Variants in KIRREL3 observed in about 807,000 individuals in gnomAD.
The protein encoded by KIRREL3 is kirre like nephrin family adhesion molecule 3.
Under a neutral mutation model 89.7 loss-of-function variants are expected in KIRREL3, and 36 were observed. The observed-to-expected ratio is 0.40, with a 90% CI of 0.31 to 0.53. The LOEUF is 0.53. Ranked by LOEUF, KIRREL3 falls within the 20% of genes least tolerant of loss-of-function variation. KIRREL3 has a pLI of 0.49. For missense variants in KIRREL3, 864 were observed against 1,056.6 expected (o/e 0.82, Z 2.53); for synonymous variants, 445 against 441.4 (o/e 1.01, Z -0.10).
chr11:126,851,948 C>A (rs1366932952), intron 1 of KIRREL3, among the ~76,000 whole-genome samples: 1 of 152,102 alleles, frequency 6.6e-6, no homozygotes, highest in African/African-American at 2.4e-5. Context: ...GGAAGTCAGG[C>A]ACAGAGGCCT....
intron 1 of KIRREL3, among the ~76,000 whole-genome samples, chr11:126,842,594 G>A (rs1472713075): frequency 2.0e-5 from 3 of 152,140 alleles, no homozygotes; most frequent in Non-Finnish European, 4.4e-5. Flanking sequence ...GCTCATGTGG[G>A]ACAGATGGTC....
intron 1 of KIRREL3, among the ~76,000 whole-genome samples, chr11:126,887,668 C>T (rs1045072366): frequency 2.0e-5 from 3 of 152,136 alleles, no homozygotes; most frequent in Non-Finnish European, 4.4e-5. Flanking sequence ...GAATGACACA[C>T]ATGGCTGAAA....
intron 1 of KIRREL3, among the ~76,000 whole-genome samples, chr11:126,847,909 A>G (rs916161480): frequency 3.9e-5 from 6 of 152,312 alleles, no homozygotes; most frequent in African/African-American, 1.4e-4. Flanking sequence ...TTCTTTTGTA[A>G]CAGGACACAA....
chr11:126,429,333 C>G lies in KIRREL3; in HGVS notation c.1697-45G>C, dbSNP rs772041154. 7.2e-7 allele frequency: 1 copy of G among 1,396,634 alleles called. No homozygotes were observed. Among genetic ancestry groups the G allele is most frequent in the Non-Finnish European group, 1.0e-6 (1 of 985,710 alleles). 86.5% of individuals were successfully genotyped at this position (1,396,634 alleles called of 1,614,324 possible). ...GTGTAGATGATAGATTTAGTTCTTACCTTTGAGATGTCAAGCTCCCTTGCA... is the reference window on the plus strand; with the variant it reads ...GTGTAGATGATAGATTTAGTTCTTAGCTTTGAGATGTCAAGCTCCCTTGCA... On this transcript the variant is annotated intron_variant, in intron 14 of 16. Coordinates refer to ENST00000525144, the MANE Select transcript of KIRREL3 (RefSeq NM_032531.4). This position sits in a 1 kb window ranked among gnomAD's most constrained non-coding sequence, Gnocchi z 5.2.
In KIRREL3 at chr11:126,656,586, T is replaced by C. The variant is rs1197145647; in HGVS notation, c.56-93674A>G. 2.0e-5 allele frequency among the ~76,000 whole-genome samples: 3 copies of C among 152,178 alleles called. No individual in the cohort carries two copies. Among genetic ancestry groups the C allele is most frequent in the African/African-American group, 7.2e-5 (3 of 41,454 alleles). On this transcript the variant is annotated intron_variant, in intron 1 of 16. Coordinates refer to ENST00000525144, the MANE Select transcript of KIRREL3 (RefSeq NM_032531.4). The surrounding 1 kb of genome is among the most constrained non-coding windows in gnomAD (Gnocchi z 4.0). ...ACCGCCTGCCCAGCCCCTGCACTGA[T>C]TGTCTTACCCACAGGGGCAGTTTAA...
At chr11:126,488,238 G>C (rs1055277329) in intron 4 of KIRREL3, among the ~76,000 whole-genome samples, 1 of 152,178 alleles carries the variant, frequency 6.6e-6, no homozygotes, top group African/African-American at 2.4e-5. Context: ...GATGGCTTTG[G>C]GGCCACCCAG....
At chr11:126,680,006 A>G (rs1464830657) in intron 1 of KIRREL3, among the ~76,000 whole-genome samples, 2 of 152,188 alleles carry the variant, frequency 1.3e-5, no homozygotes, top group Non-Finnish European at 2.9e-5. Context: ...CAAGGTTAAG[A>G]TGGCTTTGAA....
rs1012166108 is a variant in KIRREL3, at chr11:126,490,247, C to G, written c.434-16781G>C. ...GTGTGTGTGGCGGGGGCGGGGGAGG[C>G]AAGGCAGCTTTACTTTCTGTGTATG... On this transcript the variant is annotated intron_variant, in intron 4 of 16. Transcript: ENST00000525144. The surrounding 1 kb of genome is among the most constrained non-coding windows in gnomAD (Gnocchi z 4.2). Among the ~76,000 whole-genome samples the G allele has an allele frequency of 6.0e-5, 9 of 151,202 alleles. No homozygotes were observed. The highest frequency in any genetic ancestry group is 5.3e-4 in the Admixed American group (8 of 15,182).
intron 1 of KIRREL3, among the ~76,000 whole-genome samples, chr11:126,982,881 T>A (rs547453959): frequency 7.9e-5 from 12 of 152,326 alleles, no homozygotes; most frequent in African/African-American, 2.6e-4. Flanking sequence ...TATAGTATTT[T>A]AAAGGAGAGT....
rs79979332 is a variant in KIRREL3, at chr11:126,517,205, A to G, written c.433+4110T>C. Among the ~76,000 whole-genome samples, 796 of 151,792 alleles carry G rather than the reference A, an allele frequency of 5.2e-3. 8 individuals are homozygous for G. The highest frequency in any genetic ancestry group is 0.018 in the African/African-American group (760 of 41,376). On this transcript the variant is annotated intron_variant, in intron 4 of 16. Transcript: ENST00000525144. ...TTAATGTTTACAACAATTCTATGAC[A>G]TTGGTATTTTTAACCCTCTATTTTA...
At position 126,571,283 on chromosome 11, in the gene KIRREL3, C is replaced by T. The variant is rs1003726700; in HGVS notation, c.56-8371G>A. 6.6e-6 allele frequency among the ~76,000 whole-genome samples: 1 copy of T among 152,210 alleles called. No homozygotes were observed. Among genetic ancestry groups the T allele is most frequent in the South Asian group, 2.1e-4 (1 of 4,828 alleles). On this transcript the variant is annotated intron_variant, in intron 1 of 16. Coordinates refer to ENST00000525144, the MANE Select transcript of KIRREL3 (RefSeq NM_032531.4). This position sits in a 1 kb window ranked among gnomAD's most constrained non-coding sequence, Gnocchi z 7.7. ...GATCTTTCTCCCAACTGATGAATTG[C>T]CTGGAATTCTGACACAGCCATCAGC...
At chr11:126,941,851 G>C (rs1454701517) in intron 1 of KIRREL3, among the ~76,000 whole-genome samples, 1 of 152,152 alleles carries the variant, frequency 6.6e-6, no homozygotes, top group East Asian at 1.9e-4. Flanking sequence ...TTGCTTTCTA[G>C]TTTTTAGGTT....
chr11:126,806,020 C>A (rs1951192854), intron 1 of KIRREL3, among the ~76,000 whole-genome samples: 1 of 152,222 alleles, frequency 6.6e-6, no homozygotes, highest in Non-Finnish European at 1.5e-5. Context: ...AAATCTGTCA[C>A]CTGTCAAATT....
At position 126,608,536 on chromosome 11, in the gene KIRREL3, T is replaced by G. The variant is rs943122473; in HGVS notation, c.56-45624A>C. 6.6e-6 allele frequency among the ~76,000 whole-genome samples: 1 copy of G among 150,552 alleles called. No homozygotes were observed. Among genetic ancestry groups the G allele is most frequent in the African/African-American group, 2.5e-5 (1 of 40,032 alleles). On this transcript the variant is annotated intron_variant, in intron 1 of 16. Coordinates refer to ENST00000525144, the MANE Select transcript of KIRREL3 (RefSeq NM_032531.4). This position sits in a 1 kb window ranked among gnomAD's most constrained non-coding sequence, Gnocchi z 4.9. ...AGGCAGGTGTTTTGAGAAACTCCCC[T>G]CCTCTTCCCTCCTCTCCCCTCCCCA...
At chr11:126,850,587 C>T (rs1371418238) in intron 1 of KIRREL3, among the ~76,000 whole-genome samples, 1 of 152,184 alleles carries the variant, frequency 6.6e-6, no homozygotes, top group Non-Finnish European at 1.5e-5. Flanking sequence ...CCACAGGGAT[C>T]ATGAGCTAAT....
chr11:126,480,515 G>T (rs1334789830), intron 4 of KIRREL3, among the ~76,000 whole-genome samples: 1 of 152,188 alleles, frequency 6.6e-6, no homozygotes, highest in Non-Finnish European at 1.5e-5. Flanking sequence ...AGCCATAAGT[G>T]GTGAAGTTGG....
rs982906016 is a variant in KIRREL3 at position 126,844,300 on chromosome 11, T to C, written c.55+156155A>G. 2.0e-5 allele frequency among the ~76,000 whole-genome samples: 3 copies of C among 151,926 alleles called. No homozygotes were observed. The highest frequency in any genetic ancestry group is 7.3e-5 in the African/African-American group (3 of 41,336). ...GGGTAAGTGGTGGGGTCCGGTGACA[T>C]CTTTCTGGTGACCACAGAAGGGACA... On this transcript the variant is annotated intron_variant, in intron 1 of 16. Transcript: ENST00000525144. The surrounding 1 kb of genome is among the most constrained non-coding windows in gnomAD (Gnocchi z 4.8).
In KIRREL3 at chr11:126,796,830, A is replaced by G. The variant is rs1592141023; in HGVS notation, c.55+203625T>C. ...TTTTTCCCACCCCTGCTTTTTAAAA[A>G]TGTTGGTGCTCCAATTAGAGCTGTA... is the stretch of plus-strand genomic sequence containing the variant. On this transcript the variant is annotated intron_variant, in intron 1 of 16. Transcript: ENST00000525144. This position sits in a 1 kb window ranked among gnomAD's most constrained non-coding sequence, Gnocchi z 5.1. Among the ~76,000 whole-genome samples the G allele has an allele frequency of 6.6e-6, 1 of 152,032 alleles. No homozygotes were observed. Among genetic ancestry groups the G allele is most frequent in the African/African-American group, 2.4e-5 (1 of 41,384 alleles).
chr11:126,836,959 G>A (rs2134508063), intron 1 of KIRREL3, among the ~76,000 whole-genome samples: 1 of 152,078 alleles, frequency 6.6e-6, no homozygotes, highest in East Asian at 1.9e-4. Flanking sequence ...GGTCAGTGTG[G>A]TCCTTGCTTT....
Sources: gnomAD v4.1 joint callset for allele counts (sites outside exome capture counted in the v4.1 genomes callset) on GRCh38, gnomAD v4.1.1 for gene constraint, Gnocchi (gnomAD v3.1) non-coding constraint, MANE v1.5 for transcripts, NCBI Gene and HGNC (gene_info 2026-07-23, HGNC 2026-07-21) for gene names.